PUM2: variants seen among roughly 807,000 people sequenced by gnomAD.
The protein encoded by PUM2 is pumilio homolog 2.
A neutral mutation model predicts 124.5 loss-of-function variants in PUM2; 57 were observed. The ratio of observed to expected loss-of-function variants is 0.46; its 90% CI spans 0.37 to 0.57. The LOEUF (loss-of-function observed/expected upper bound fraction) is 0.57. PUM2 is among the 20% of genes least tolerant of loss of function. The pLI is 0.00. For missense variants in PUM2, 1,065 were observed against 1,290.6 expected (o/e 0.83, Z 2.68); for synonymous variants, 460 against 446.1 (o/e 1.03, Z -0.39).
chr2:20,268,352 C>T (rs898679734), intron 13 of PUM2, among the ~76,000 whole-genome samples: 1 of 152,296 alleles, frequency 6.6e-6, no homozygotes, highest in African/African-American at 2.4e-5. Flanking sequence ...TGGCTCAGGC[C>T]TGTAATCCCA....
chr2:20,249,989 G>A lies in PUM2; in HGVS notation c.*1596C>T, dbSNP rs1422701407. 1 of 152,538 alleles carries A rather than the reference G, an allele frequency of 6.6e-6. No homozygotes were observed. Among genetic ancestry groups the A allele is most frequent in the African/African-American group, 2.4e-5 (1 of 41,420 alleles). The allele number at this position is 152,538 out of a possible 1,614,324, so 9.4% of individuals were successfully genotyped here. A position where few individuals can be genotyped will look rare whatever the true frequency, so the allele number is the denominator to read the frequency against. On this transcript the variant is annotated 3_prime_UTR_variant, in exon 21 of 21. Coordinates refer to ENST00000361078, the MANE Select transcript of PUM2 (RefSeq NM_015317.5). ...GTTACTGTTATGTCTTATGTCCAGA[G>A]GAAAAAATGTTATCATACAGATTTG... is the stretch of plus-strand genomic sequence containing the variant.
chr2:20,261,441 T>G (rs1170794646), intron 14 of PUM2, among the ~76,000 whole-genome samples: 1 of 137,474 alleles, frequency 7.3e-6, no homozygotes, highest in Non-Finnish European at 1.6e-5. Flanking sequence ...CATATAATTG[T>G]GTACGGTATC....
chr2:20,261,802 G>A (rs1011904412), intron 14 of PUM2, among the ~76,000 whole-genome samples: 1 of 152,100 alleles, frequency 6.6e-6, no homozygotes, highest in Non-Finnish European at 1.5e-5. Context: ...AAATATTTTC[G>A]TACAGCTGTA....
intron 2 of PUM2, chr2:20,326,295 T>C: frequency 7.7e-7 from 1 of 1,303,934 alleles, no homozygotes; most frequent in Non-Finnish European, 1.0e-6. Context: ...ACATACTCTT[T>C]GGAAAACGCT....
chr2:20,311,332 C>T (rs1036174454), intron 5 of PUM2, among the ~76,000 whole-genome samples, 162 bp downstream of exon 5: 1 of 152,014 alleles, frequency 6.6e-6, no homozygotes, highest in Admixed American at 6.6e-5. Flanking sequence ...GGTTCATAAT[C>T]ACAAATTTTC....
intron 9 of PUM2, among the ~76,000 whole-genome samples, chr2:20,292,024 G>A (rs1674226464): frequency 6.6e-6 from 1 of 150,890 alleles, no homozygotes; most frequent in South Asian, 2.1e-4. Context: ...TCCCTGGCAT[G>A]TTCATTGCCT....
intron 9 of PUM2, among the ~76,000 whole-genome samples, chr2:20,291,424 C>T (rs1361217496): frequency 2.0e-5 from 3 of 152,174 alleles, no homozygotes; most frequent in East Asian, 3.8e-4. Flanking sequence ...CCTCCTCGCT[C>T]GGCGTCTCTA....
chr2:20,351,071 G>A (rs62124604), upstream of PUM2, among the ~76,000 whole-genome samples: 7,517 of 152,214 alleles, frequency 0.049, 237 homozygotes, highest in African/African-American at 0.084. Context: ...CTTCCCTCCT[G>A]GGCTCCGCCG....
Position 20,278,647 on chromosome 2 carries a change from T to G in PUM2, c.1893A>C (p.Pro631=). The change falls in exon 13 of 21, where the codon CCA becomes CCC. Residue 631 remains proline (P), a synonymous_variant. Coordinates refer to ENST00000361078, the MANE Select transcript of PUM2 (RefSeq NM_015317.5). ...PIGMPLPSQT[P]GHSLTPPPSL... is the part of the protein sequence containing the mutation. ...ATGGCGGTGGCGTAAGTGAATGTCC[T>G]GGAGTTTGGCTTGGCAGAGGCATGC... 1.2e-6 allele frequency: 2 copies of G among 1,613,530 alleles called. No individual in the cohort carries two copies. Among genetic ancestry groups the G allele is most frequent in the Non-Finnish European group, 1.7e-6 (2 of 1,179,680 alleles).
At chr2:20,299,501 C>G (rs1186941768) in intron 7 of PUM2, among the ~76,000 whole-genome samples, 1 of 152,024 alleles carries the variant, frequency 6.6e-6, no homozygotes, top group Non-Finnish European at 1.5e-5. Flanking sequence ...AACCCCGTCT[C>G]TGCTAAAAAT....
At position 20,261,394 on chromosome 2, in the gene PUM2, C is replaced by CAAAAAAAAAA. The variant is rs200294801; in HGVS notation, c.2226-938_2226-929dup. Among the ~76,000 whole-genome samples, 245 of 76,704 alleles carry CAAAAAAAAAA rather than the reference C, an allele frequency of 3.2e-3. 49 individuals are homozygous for CAAAAAAAAAA. The highest frequency in any genetic ancestry group is 5.9e-3 in the African/African-American group (103 of 17,412). 50.3% of individuals were successfully genotyped at this position (76,704 alleles called of 152,430 possible). On this transcript the variant is annotated intron_variant, in intron 14 of 20. Coordinates refer to ENST00000361078, the MANE Select transcript of PUM2 (RefSeq NM_015317.5). ...AAGCGACAGAGTGAGACTCTGTCTC[C>CAAAAAAAAAA]AAAAAAAAAAAAAAAAAAAAAAAAA...
At chr2:20,304,658 A>G (rs1437208625) in intron 7 of PUM2, among the ~76,000 whole-genome samples, 1 of 152,210 alleles carries the variant, frequency 6.6e-6, no homozygotes, top group African/African-American at 2.4e-5. Context: ...TTGTCAACTC[A>G]CACTCTAAAA....
chr2:20,314,461 T>C (rs1218165815), intron 3 of PUM2, among the ~76,000 whole-genome samples: 1 of 152,230 alleles, frequency 6.6e-6, no homozygotes, highest in South Asian at 2.1e-4. Context: ...GTTAATGGAA[T>C]GCAAATATAG....
chr2:20,282,821 C>G, intron 12 of PUM2, 126 bp downstream of exon 12: 1 of 1,072,980 alleles, frequency 9.3e-7, no homozygotes, highest in African/African-American at 1.6e-5. Context: ...ACAAATTAAA[C>G]CAGTAGTCCA....
At chr2:20,335,970 T>C (rs1009215968) in intron 1 of PUM2, among the ~76,000 whole-genome samples, 4 of 152,210 alleles carry the variant, frequency 2.6e-5, no homozygotes, top group African/African-American at 9.6e-5. Flanking sequence ...TCCTCTCAAC[T>C]GACTTATTTG....
intron 1 of PUM2, among the ~76,000 whole-genome samples, chr2:20,332,408 T>TAA (rs34916773): frequency 1.1e-4 from 15 of 134,338 alleles, no homozygotes; most frequent in South Asian, 4.8e-4. Context: ...TAAAAAGACT[T>TAA]AAAAAAAAAA....
At chr2:20,304,183 T>G (rs1677670398) in intron 7 of PUM2, among the ~76,000 whole-genome samples, 1 of 152,188 alleles carries the variant, frequency 6.6e-6, no homozygotes, top group South Asian at 2.1e-4. Context: ...AAGCCTGAAC[T>G]GCATAGGCCC....
At chr2:20,321,192 CAAGA>C (rs1682254870) in intron 2 of PUM2, among the ~76,000 whole-genome samples, 1 of 152,020 alleles carries the variant, frequency 6.6e-6, no homozygotes, top group Non-Finnish European at 1.5e-5. Flanking sequence ...GGAGGCTGGG[CAAGA>C]AAATTGCTTG....
chr2:20,308,201 T>C (rs1678790824), intron 6 of PUM2, 113 bp downstream of exon 6: 1 of 1,471,060 alleles, frequency 6.8e-7, no homozygotes, highest in South Asian at 1.3e-5. Context: ...CTTTAATCAA[T>C]AAAACATTTA....
Sources: gnomAD v4.1 joint callset for allele counts (sites outside exome capture counted in the v4.1 genomes callset) on GRCh38, gnomAD v4.1.1 for gene constraint, MANE v1.5 for transcripts, NCBI Gene and HGNC (gene_info 2026-07-23, HGNC 2026-07-21) for gene names.